Variants in NBAS observed in about 807,000 individuals in gnomAD.
NBAS encodes NBAS subunit of NRZ tethering complex.
Under a neutral mutation model 302.5 loss-of-function variants are expected in NBAS, and 219 were observed. The observed-to-expected ratio is 0.72, with a 90% confidence interval of 0.65 to 0.81. The LOEUF is 0.81. NBAS is among the 30% of genes least tolerant of loss of function. NBAS has a pLI of 0.00. For synonymous variants in NBAS, 1,118 were observed against 1,021.6 expected (o/e 1.09, Z -1.80); for missense variants, 2,932 against 2,841.6 (o/e 1.03, Z -0.72).
At chr2:14,847,277 G>C in the NBAS span, among the ~76,000 whole-genome samples, 45 of 150,972 alleles carry the variant, frequency 3.0e-4, 1 homozygote, top group African/African-American at 1.1e-3. Context: ...CAGCTACTTG[G>C]GAGGCTGAAG....
chr2:14,942,057 TCTCTTCCAAA>T, the NBAS span, among the ~76,000 whole-genome samples: 81 of 152,350 alleles, frequency 5.3e-4, no homozygotes, highest in Non-Finnish European at 6.5e-4. Context: ...TTCTAGAAAT[TCTCTTCCAAA>T]CCCCTTATTT....
the NBAS span, among the ~76,000 whole-genome samples, chr2:14,896,844 GTATAAGCATTT>G: frequency 7.2e-5 from 11 of 152,266 alleles, no homozygotes; most frequent in South Asian, 4.1e-4. Context: ...TGTTGATAAT[GTATAAGCATTT>G]TAATGTAAAT....
chr2:14,920,190 T>C, the NBAS span, among the ~76,000 whole-genome samples: 1 of 152,192 alleles, frequency 6.6e-6, no homozygotes, highest in Non-Finnish European at 1.5e-5. Context: ...TATGTACATC[T>C]CTATCAGAGC....
At chr2:15,484,349 A>C (rs1025930139) in intron 12 of NBAS, among the ~76,000 whole-genome samples, 19 of 152,176 alleles carry the variant, frequency 1.2e-4, no homozygotes, top group Non-Finnish European at 2.4e-4. Flanking sequence ...TTAACCTATG[A>C]AGTCAGGAGA....
At chr2:14,793,402 A>C in the NBAS span, among the ~76,000 whole-genome samples, 1 of 152,204 alleles carries the variant, frequency 6.6e-6, no homozygotes, top group Non-Finnish European at 1.5e-5. Context: ...ATGAATAATA[A>C]ACCTAAATAT....
At chr2:14,823,793 C>T in the NBAS span, among the ~76,000 whole-genome samples, 1 of 152,186 alleles carries the variant, frequency 6.6e-6, no homozygotes, top group East Asian at 1.9e-4. Context: ...AACCACCTTT[C>T]CTTGTGGTTT....
intron 44 of NBAS, 63 bp from the exon 45 acceptor site, chr2:15,238,749 G>A (rs138435028): frequency 2.1e-6 from 3 of 1,432,894 alleles, no homozygotes; most frequent in African/African-American, 2.9e-5. Context: ...TATTCAGCAA[G>A]TGTTAATGAG....
chr2:14,924,325 T>G, the NBAS span, among the ~76,000 whole-genome samples: 1 of 152,214 alleles, frequency 6.6e-6, no homozygotes, highest in African/African-American at 2.4e-5. Context: ...ATGGACTAGT[T>G]GGTGCTCATT....
At chr2:15,458,201 G>A (rs1274829748) in intron 21 of NBAS, among the ~76,000 whole-genome samples, 2 of 152,188 alleles carry the variant, frequency 1.3e-5, no homozygotes, top group Non-Finnish European at 2.9e-5. Flanking sequence ...TGTAAAAAGT[G>A]TTACATTATG....
the NBAS span, among the ~76,000 whole-genome samples, chr2:14,977,478 A>C: frequency 6.6e-6 from 1 of 152,208 alleles, no homozygotes; most frequent in African/African-American, 2.4e-5. Flanking sequence ...TTGGTATTCA[A>C]ATTTTAGCTT....
the NBAS span, among the ~76,000 whole-genome samples, chr2:14,863,779 T>C: frequency 6.6e-6 from 1 of 152,244 alleles, no homozygotes; most frequent in Non-Finnish European, 1.5e-5. Context: ...TTAAACATTA[T>C]ATTCCAACAC....
chr2:15,086,017 G>A, the NBAS span, among the ~76,000 whole-genome samples: 8 of 152,240 alleles, frequency 5.3e-5, no homozygotes, highest in African/African-American at 1.9e-4. Context: ...GGGGTCCCCA[G>A]TGAGGCCCCA....
At chr2:14,826,779 C>T in the NBAS span, among the ~76,000 whole-genome samples, 7 of 152,212 alleles carry the variant, frequency 4.6e-5, no homozygotes, top group Admixed American at 4.6e-4. Context: ...CAACCCTACC[C>T]TAAACCTCCA....
At chr2:14,962,967 T>C in the NBAS span, among the ~76,000 whole-genome samples, 1 of 152,108 alleles carries the variant, frequency 6.6e-6, no homozygotes, top group Non-Finnish European at 1.5e-5. Context: ...AAAAACTGTT[T>C]TTTAAAAAAT....
At chr2:15,555,591 C>T (rs1664608784) in intron 3 of NBAS, among the ~76,000 whole-genome samples, 1 of 152,020 alleles carries the variant, frequency 6.6e-6, no homozygotes, top group South Asian at 2.1e-4. Context: ...CAAATACTGA[C>T]CCCAAAACCT....
chr2:15,422,385 T>C (rs2148474100), intron 23 of NBAS, among the ~76,000 whole-genome samples: 1 of 152,322 alleles, frequency 6.6e-6, no homozygotes, highest in South Asian at 2.1e-4. Context: ...GACATCTTGA[T>C]TCTTCAATGC....
intron 51 of NBAS, among the ~76,000 whole-genome samples, chr2:15,173,054 C>G (rs796337136): frequency 1.3e-5 from 2 of 152,050 alleles, no homozygotes; most frequent in African/African-American, 4.8e-5. Context: ...TACAGGCAAA[C>G]AAATCATGAG....
At chr2:15,005,870 T>C in the NBAS span, among the ~76,000 whole-genome samples, 2 of 152,220 alleles carry the variant, frequency 1.3e-5, no homozygotes, top group Non-Finnish European at 2.9e-5. Flanking sequence ...TATACTTCTG[T>C]AGACATGGAA....
At chr2:14,935,368 T>G in the NBAS span, among the ~76,000 whole-genome samples, 1 of 152,182 alleles carries the variant, frequency 6.6e-6, no homozygotes, top group Non-Finnish European at 1.5e-5. Context: ...ATCTGCTCAT[T>G]TTTATATTGT....
Sources: gnomAD v4.1 joint callset for allele counts (sites outside exome capture counted in the v4.1 genomes callset) on GRCh38, gnomAD v4.1.1 for gene constraint, MANE v1.5 for transcripts, NCBI Gene and HGNC (gene_info 2026-07-23, HGNC 2026-07-21) for gene names.